PRPF18: variants seen among roughly 807,000 people sequenced by gnomAD.
The protein encoded by PRPF18 is pre-mRNA-splicing factor 18.
In PRPF18, 38 loss-of-function variants were observed where a neutral mutation model predicts 46.5. The observed-to-expected ratio is 0.82, with a 90% CI of 0.63 to 1.07. PRPF18 has a LOEUF of 1.07. Among genes scored for constraint, PRPF18 ranks in the 50% least tolerant of loss-of-function variants. The pLI, the probability that PRPF18 is intolerant of heterozygous loss-of-function variation, is 0.00. For missense variants in PRPF18, 263 were observed against 410.0 expected, an observed-to-expected ratio of 0.64 and a Z score of 3.10; for synonymous variants, 152 against 146.7, an observed-to-expected ratio of 1.04 and a Z score of -0.26.
rs1259312206 is a variant in PRPF18, at chr10:13,605,524, G to T, written c.250-107G>T. Reference sequence around the variant, plus strand: ...TTGAACCTGGGAGGCGGAGCTTGCAGTGAGCCGAGATCGCACCACTGCACT... The same window carrying T: ...TTGAACCTGGGAGGCGGAGCTTGCATTGAGCCGAGATCGCACCACTGCACT... On this transcript the variant is annotated intron_variant, in intron 3 of 9. Transcript: ENST00000378572. 4.2e-6 allele frequency: 5 copies of T among 1,186,364 alleles called. No individual in the cohort carries two copies. The African/African-American group carries it at 6.5e-5, about 15-fold the overall frequency. The allele number at this position is 1,186,364 out of a possible 1,614,324, so 73.5% of individuals were successfully genotyped here.
intron 2 of PRPF18, among the ~76,000 whole-genome samples, chr10:13,597,961 C>T (rs890446655): frequency 3.3e-5 from 5 of 152,088 alleles, no homozygotes; most frequent in African/African-American, 9.7e-5. Context: ...ATTTTCCTGC[C>T]TTCTCCGGAA....
intron 9 of PRPF18, among the ~76,000 whole-genome samples, chr10:13,626,202 G>A (rs759095650): frequency 3.9e-5 from 6 of 152,210 alleles, no homozygotes; most frequent in Non-Finnish European, 7.3e-5. Flanking sequence ...TCCCCAGGCT[G>A]GAGCTGCAGG....
chr10:13,619,437 G>C (rs1023250179), intron 9 of PRPF18, among the ~76,000 whole-genome samples: 1 of 152,252 alleles, frequency 6.6e-6, no homozygotes, highest in Admixed American at 6.5e-5. Flanking sequence ...GATGGAGGAA[G>C]ACACCCACCT....
the PRPF18 span, among the ~76,000 whole-genome samples, chr10:13,638,299 CTTTTT>C: frequency 5.8e-4 from 72 of 125,028 alleles, no homozygotes; most frequent in South Asian, 0.014. Context: ...CTTGGCTTTT[CTTTTT>C]TTTTTTTTTT....
chr10:13,622,507 A>G (rs2080435071), intron 9 of PRPF18, among the ~76,000 whole-genome samples: 1 of 152,188 alleles, frequency 6.6e-6, no homozygotes, highest in African/African-American at 2.4e-5. Context: ...TCTTCCCTCA[A>G]ATTAGTCATT....
At chr10:13,634,682 G>T (rs779120385), downstream of PRPF18, among the ~76,000 whole-genome samples, 1 of 152,214 alleles carries the variant, frequency 6.6e-6, no homozygotes, top group Non-Finnish European at 1.5e-5. Context: ...CAAAACAAGT[G>T]TATGGAGACC....
the PRPF18 span, chr10:13,639,480 T>A: frequency 6.6e-6 from 1 of 152,040 alleles, no homozygotes; most frequent in South Asian, 2.1e-4. Context: ...TTACTACAGT[T>A]CCGTCTGAGA....
the PRPF18 span, among the ~76,000 whole-genome samples, chr10:13,637,564 C>G: frequency 6.6e-6 from 1 of 152,166 alleles, no homozygotes; most frequent in Non-Finnish European, 1.5e-5. Flanking sequence ...ATAGTACTTT[C>G]TGTATTCTGG....
downstream of PRPF18, among the ~76,000 whole-genome samples, chr10:13,632,994 A>C (rs1050022183): frequency 1.3e-5 from 2 of 152,216 alleles, no homozygotes; most frequent in Non-Finnish European, 2.9e-5. Context: ...CTTCAGAAGT[A>C]AATAGTGCAT....
At chr10:13,607,484 C>T (rs1394446535) in intron 4 of PRPF18, among the ~76,000 whole-genome samples, 1 of 152,068 alleles carries the variant, frequency 6.6e-6, no homozygotes. Context: ...ATGATCATGG[C>T]TAACTGCAAC....
At chr10:13,610,227 T>A (rs375496175) in intron 5 of PRPF18, 42 bp downstream of exon 5, 6 of 1,585,246 alleles carry the variant, frequency 3.8e-6, no homozygotes, top group Non-Finnish European at 5.2e-6. Flanking sequence ...GGCACCCTTC[T>A]TTTTCCTCTG....
chr10:13,622,354 A>G (rs2080432242), intron 9 of PRPF18, among the ~76,000 whole-genome samples: 1 of 152,242 alleles, frequency 6.6e-6, no homozygotes, highest in African/African-American at 2.4e-5. Context: ...AAACTGGGCC[A>G]TGCTGCTTTC....
chr10:13,616,893 A>G (rs1482463083), intron 9 of PRPF18, among the ~76,000 whole-genome samples: 1 of 152,208 alleles, frequency 6.6e-6, no homozygotes, highest in East Asian at 1.9e-4. Context: ...GTGAAGAGCA[A>G]CAAACTTAGA....
At chr10:13,617,384 C>CT (rs2080359954) in intron 9 of PRPF18, among the ~76,000 whole-genome samples, 1 of 152,112 alleles carries the variant, frequency 6.6e-6, no homozygotes, top group African/African-American at 2.4e-5. Context: ...TCGTGTCATG[C>CT]TTTATGCCTT....
Position 13,601,103 on chromosome 10 carries a change from A to G in PRPF18, c.249+755A>G, listed in dbSNP as rs531160388. On this transcript the variant is annotated intron_variant, in intron 3 of 9. Transcript: ENST00000378572. Reference sequence around the variant, plus strand: ...GCCGCACCGTAATATTTAAAAAATCATTTATTGATGATCATTTAGATTGCT... The same window carrying G: ...GCCGCACCGTAATATTTAAAAAATCGTTTATTGATGATCATTTAGATTGCT... 8.5e-5 allele frequency among the ~76,000 whole-genome samples: 13 copies of G among 152,320 alleles called. No individual in the cohort carries two copies. In the East Asian group the frequency reaches 1.2e-3, roughly 14 times the overall value.
In PRPF18 at chr10:13,616,490, A is replaced by G. The variant is rs1302002294; in HGVS notation, c.885A>G (p.Glu295=). 6.2e-7 allele frequency: 1 copy of G among 1,614,026 alleles called. No individual in the cohort carries two copies. Among genetic ancestry groups the G allele is most frequent in the East Asian group, 2.2e-5 (1 of 44,892 alleles). The stretch of plus-strand genomic sequence containing the variant: ...GTATCCATGCCAGAACTGGCAGAGA[A>G]AAGATTTTTTCCAAGCATGTTGCAC... The part of the protein sequence containing the change: ...MVGIHARTGR[E]KIFSKHVAHV... Residue 295 remains glutamate, a synonymous_variant, in exon 9 of 10, where the codon GAA becomes GAG. Transcript: ENST00000378572.
chr10:13,616,230 C>T (rs1014960465), intron 8 of PRPF18, among the ~76,000 whole-genome samples, 168 bp from the exon 9 acceptor site: 8 of 152,038 alleles, frequency 5.3e-5, no homozygotes, highest in Admixed American at 2.0e-4. Context: ...AGTCTGTTAC[C>T]CTGTATTTTA....
downstream of PRPF18, among the ~76,000 whole-genome samples, chr10:13,633,271 C>T (rs2080606468): frequency 1.3e-5 from 2 of 152,148 alleles, no homozygotes; most frequent in Admixed American, 6.5e-5. Context: ...TGCTGTGGGC[C>T]CAGAGCGCTC....
chr10:13,599,583 T>A (rs1313827099), intron 2 of PRPF18, among the ~76,000 whole-genome samples: 4 of 152,198 alleles, frequency 2.6e-5, no homozygotes, highest in Non-Finnish European at 4.4e-5. Context: ...GAGATTGTTT[T>A]TCCTACAGGT....
Sources: allele counts gnomAD v4.1 joint callset (sites outside exome capture counted in the v4.1 genomes callset), GRCh38; gene constraint gnomAD v4.1.1; transcripts MANE v1.5; gene names NCBI Gene and HGNC (gene_info 2026-07-23, HGNC 2026-07-21).